Variants in ABHD6 observed in about 807,000 individuals in gnomAD.
The protein encoded by ABHD6 is monoacylglycerol lipase ABHD6.
In ABHD6, 33 loss-of-function variants were observed where a neutral mutation model predicts 38.8. The ratio of observed to expected loss-of-function variants is 0.85; its 90% confidence interval spans 0.64 to 1.14. The LOEUF is 1.14. Ranked by LOEUF, ABHD6 falls within the 50% of genes most tolerant of loss-of-function variation. ABHD6 has a pLI of 0.00. For missense variants in ABHD6, 380 were observed against 422.6 expected (o/e 0.90, Z 0.88); for synonymous variants, 147 against 161.6 (o/e 0.91, Z 0.69).
chr3:58,245,789 A>G (rs568430677), intron 1 of ABHD6, among the ~76,000 whole-genome samples: 1 of 113,816 alleles, frequency 8.8e-6, no homozygotes, highest in East Asian at 2.1e-4. Flanking sequence ...CAAAAAAAAG[A>G]AAGAAAGAAG....
intron 2 of ABHD6, among the ~76,000 whole-genome samples, chr3:58,254,956 G>A (rs2097432335): frequency 6.6e-6 from 1 of 151,912 alleles, no homozygotes; most frequent in African/African-American, 2.4e-5. Context: ...GGCCTCAAGT[G>A]ATCCTTCCAC....
In ABHD6 at chr3:58,242,838, G is replaced by T. The variant is rs1186765803; in HGVS notation, c.-91+4922G>T. On this transcript the variant is annotated intron_variant, in intron 1 of 9. Coordinates refer to ENST00000478253, the MANE Select transcript of ABHD6 (RefSeq NM_001320126.2). ...CTGCACCCGTTAACTCGTCATTTAC[G>T]TTAGGTATTTCTCCTAATGCTATCC... Among the ~76,000 whole-genome samples the T allele has an allele frequency of 2.0e-5, 3 of 152,164 alleles. No homozygotes were observed. In the South Asian group the frequency reaches 6.2e-4, roughly 32 times the overall value.
intron 2 of ABHD6, among the ~76,000 whole-genome samples, chr3:58,252,993 C>T (rs983372312): frequency 1.3e-5 from 2 of 152,130 alleles, no homozygotes; most frequent in Non-Finnish European, 1.5e-5. Flanking sequence ...TTGACCTTGT[C>T]AGGGAGAGTG....
rs1239004497 is a variant in ABHD6, at chr3:58,270,920, T to G, written c.391-12T>G. 1 of 1,595,068 alleles carries G rather than the reference T, an allele frequency of 6.3e-7. No homozygotes were observed. The highest frequency in any genetic ancestry group is 1.8e-5 in the Admixed American group (1 of 55,876). On this transcript the variant is annotated splice_polypyrimidine_tract_variant and intron_variant, in intron 5 of 9. Coordinates refer to ENST00000478253, the MANE Select transcript of ABHD6 (RefSeq NM_001320126.2). ...CTGTATAACCAAGCTGCTTTCTCAT[T>G]TCCCTTCCTAGTTTGTAGAATGCCT...
chr3:58,245,557 T>A (rs1240768226), intron 1 of ABHD6, among the ~76,000 whole-genome samples: 1 of 151,934 alleles, frequency 6.6e-6, no homozygotes, highest in Admixed American at 6.6e-5. Context: ...GGCAGGCAGA[T>A]CATTTGAGGC....
intron 1 of ABHD6, among the ~76,000 whole-genome samples, chr3:58,243,245 G>A (rs2097424090): frequency 2.0e-5 from 3 of 152,196 alleles, no homozygotes; most frequent in Admixed American, 2.0e-4. Flanking sequence ...CCAGTAATGA[G>A]ATTGCTGGGT....
chr3:58,294,121 G>A lies in ABHD6; in HGVS notation c.*356G>A, dbSNP rs2097465587. 5.4e-6 allele frequency: 1 copy of A among 186,524 alleles called. No individual in the cohort carries two copies. The highest frequency in any genetic ancestry group is 1.1e-5 in the Non-Finnish European group (1 of 89,890). 11.6% of individuals were successfully genotyped at this position (186,524 alleles called of 1,614,324 possible). A position where few individuals can be genotyped will look rare whatever the true frequency, so the allele number is the denominator to read the frequency against. ...CTTTGAGACATTCCTTATAGTTGGA[G>A]ACTCAAGATATTTTTGTTGCATCAG... On this transcript the variant is annotated 3_prime_UTR_variant, in exon 10 of 10. Transcript: ENST00000478253.
At position 58,256,415 on chromosome 3, in the gene ABHD6, GT is replaced by G. The variant is rs1394860398; in HGVS notation, c.-25-141del. The G allele has an allele frequency of 1.4e-5, 7 of 504,628 alleles. No homozygotes were observed. Among genetic ancestry groups the G allele is most frequent in the Admixed American group, 3.9e-5 (1 of 25,458 alleles). The allele number at this position is 504,628 out of a possible 1,614,324, so 31.3% of individuals were successfully genotyped here. A position where few individuals can be genotyped will look rare whatever the true frequency, so the allele number is the denominator to read the frequency against. ...TACTTTTAGTTGTCATGTCTATTTG[GT>G]TTTTTGTAAAGCACTTGCCTGCTTT... On this transcript the variant is annotated intron_variant, in intron 2 of 9. Transcript: ENST00000478253. The surrounding 1 kb of genome is among the most constrained non-coding windows in gnomAD (Gnocchi z 4.3).
intron 1 of ABHD6, among the ~76,000 whole-genome samples, chr3:58,245,434 G>A (rs1297191550): frequency 2.0e-5 from 3 of 152,018 alleles, no homozygotes; most frequent in Admixed American, 6.6e-5. Context: ...CCAAAGTGCT[G>A]GGATTACAGC....
intron 9 of ABHD6, among the ~76,000 whole-genome samples, chr3:58,292,934 C>A (rs2097464286): frequency 6.6e-6 from 1 of 152,094 alleles, no homozygotes; most frequent in African/African-American, 2.4e-5. Context: ...AAGAGATACC[C>A]CCAGCTTGTG....
chr3:58,267,293 T>C lies in ABHD6; in HGVS notation c.224T>C (p.Leu75Pro). The stretch of plus-strand genomic sequence containing the variant: ...AGGCCTGGGCACAAACCCTCCATCC[T>C]CATGCTCCACGGATTCTCTGCCCAC... ...RGRPGHKPSI[L>P]MLHGFSAHKD... The change falls in exon 4 of 10, where the codon CTC becomes CCC. Residue 75 changes from leucine to proline, a missense_variant. By Grantham distance (98) the Leu-to-Pro change is moderately conservative. Coordinates refer to ENST00000478253, the MANE Select transcript of ABHD6 (RefSeq NM_001320126.2). The surrounding 1 kb of genome is among the most constrained non-coding windows in gnomAD (Gnocchi z 4.3). The C allele has an allele frequency of 6.2e-7, 1 of 1,614,136 alleles. No individual in the cohort carries two copies. The highest frequency in any genetic ancestry group is 1.1e-5 in the South Asian group (1 of 91,078).
Position 58,267,400 on chromosome 3 carries a change from C to T in ABHD6, c.276+55C>T. On this transcript the variant is annotated intron_variant, in intron 4 of 9. Transcript: ENST00000478253. The surrounding 1 kb of genome is among the most constrained non-coding windows in gnomAD (Gnocchi z 4.3). ...GAAAAGGGAGTTGGGTGCTGTGGCTCATGCCTATAATCCCAGCACTTTGGG... is the reference window on the plus strand; with the variant it reads ...GAAAAGGGAGTTGGGTGCTGTGGCTTATGCCTATAATCCCAGCACTTTGGG... 1.2e-6 allele frequency: 2 copies of T among 1,600,332 alleles called. No individual in the cohort carries two copies. Among genetic ancestry groups the T allele is most frequent in the Non-Finnish European group, 1.7e-6 (2 of 1,171,738 alleles).
intron 1 of ABHD6, among the ~76,000 whole-genome samples, chr3:58,241,222 A>G (rs893429820): frequency 6.6e-6 from 1 of 152,200 alleles, no homozygotes; most frequent in African/African-American, 2.4e-5. Context: ...TGATTTTCAC[A>G]ACATTAAAGT....
At position 58,285,387 on chromosome 3, in the gene ABHD6, C is replaced by A; in HGVS notation, c.771C>A (p.Tyr257Ter). 6.2e-7 allele frequency: 1 copy of A among 1,614,162 alleles called. No homozygotes were observed. Among genetic ancestry groups the A allele is most frequent in the East Asian group, 2.2e-5 (1 of 44,892 alleles). Residue 257 changes from tyrosine to a stop codon, truncating the protein, a stop_gained, in exon 9 of 10, where the codon TAC (tyrosine) becomes TAA (stop). Coordinates refer to ENST00000478253, the MANE Select transcript of ABHD6 (RefSeq NM_001320126.2). LOFTEE classifies it high-confidence loss of function. This position sits in a 1 kb window ranked among gnomAD's most constrained non-coding sequence, Gnocchi z 4.9. ...FLEIVSEKSRYSLHQNMDKIK... is the reference protein window; with the variant it reads ...FLEIVSEKSR ...AAATCGTCAGTGAGAAGTCCAGATA[C>A]TCTCTCCATCAGAACATGGACAAGA... is the stretch of plus-strand genomic sequence containing the variant.
intron 1 of ABHD6, among the ~76,000 whole-genome samples, chr3:58,241,122 C>T (rs374770838): frequency 2.0e-5 from 3 of 152,298 alleles, no homozygotes; most frequent in Admixed American, 6.5e-5. Flanking sequence ...TGCTGCTAAA[C>T]GTCCTACGAT....
chr3:58,244,786 A>G (rs1380606095), intron 1 of ABHD6, among the ~76,000 whole-genome samples: 1 of 152,116 alleles, frequency 6.6e-6, no homozygotes, highest in Non-Finnish European at 1.5e-5. Context: ...AAGCACAGAA[A>G]TGTAATTGTA....
intron 7 of ABHD6, among the ~76,000 whole-genome samples, chr3:58,283,590 A>G (rs917714095): frequency 6.6e-6 from 1 of 152,208 alleles, no homozygotes; most frequent in African/African-American, 2.4e-5. Context: ...GATGCAGGAT[A>G]GATTTTTGCA....
At position 58,285,513 on chromosome 3, in the gene ABHD6, T is replaced by G; in HGVS notation, c.837+60T>G. On this transcript the variant is annotated intron_variant, in intron 9 of 9. Transcript: ENST00000478253. This position sits in a 1 kb window ranked among gnomAD's most constrained non-coding sequence, Gnocchi z 4.9. ...TCACCAGGGCCTCTGAGGAAAAACG[T>G]CCTTGAGGAAGAACAAGTGGTTATT... The G allele has an allele frequency of 1.4e-6, 2 of 1,420,098 alleles. No individual in the cohort carries two copies. Among genetic ancestry groups the G allele is most frequent in the Non-Finnish European group, 2.0e-6 (2 of 1,004,308 alleles). 88.0% of individuals were successfully genotyped at this position (1,420,098 alleles called of 1,614,324 possible). A position where few individuals can be genotyped will look rare whatever the true frequency, so the allele number is the denominator to read the frequency against.
At position 58,269,667 on chromosome 3, in the gene ABHD6, A is replaced by G. The variant is rs1343707657; in HGVS notation, c.390+233A>G. Among the ~76,000 whole-genome samples, 2 of 152,364 alleles carry G rather than the reference A, an allele frequency of 1.3e-5. No individual in the cohort carries two copies. The highest frequency in any genetic ancestry group is 4.1e-4 in the South Asian group (2 of 4,828). ...TTGCAGTTGTTTGTAACGAAATACA[A>G]TCTGAGCATTTTCTCAACTCTTTGA... On this transcript the variant is annotated intron_variant, in intron 5 of 9. Transcript: ENST00000478253. This position sits in a 1 kb window ranked among gnomAD's most constrained non-coding sequence, Gnocchi z 4.4.
Sources: gnomAD v4.1 joint callset for allele counts (sites outside exome capture counted in the v4.1 genomes callset) on GRCh38, gnomAD v4.1.1 for gene constraint, Gnocchi (gnomAD v3.1) non-coding constraint, MANE v1.5 for transcripts, NCBI Gene and HGNC (gene_info 2026-07-23, HGNC 2026-07-21) for gene names.